ATAD2B: variants seen among roughly 807,000 people sequenced by gnomAD.
The protein encoded by ATAD2B is ATPase family AAA domain containing 2B, also known as ATPase family AAA domain-containing protein 2B.
A neutral mutation model predicts 167.6 loss-of-function variants in ATAD2B; 40 were observed. That is an observed-to-expected ratio of 0.24 (90% CI 0.19 to 0.31). The LOEUF (loss-of-function observed/expected upper bound fraction) is 0.31, where lower values mean the gene tolerates loss of function less well. ATAD2B is among the 10% of genes least tolerant of loss of function. ATAD2B has a pLI of 1.00. For missense variants in ATAD2B, 1,242 were observed against 1,757.2 expected (o/e 0.71, Z 5.24); for synonymous variants, 579 against 596.5 (o/e 0.97, Z 0.43).
At chr2:23,849,383 A>G (rs2149880406) in intron 13 of ATAD2B, among the ~76,000 whole-genome samples, 1 of 152,362 alleles carries the variant, frequency 6.6e-6, no homozygotes, top group East Asian at 1.9e-4. Flanking sequence ...CAACATCAAC[A>G]TAAAGATGCA....
chr2:23,738,412 A>G, the ATAD2B span, among the ~76,000 whole-genome samples: 1 of 152,262 alleles, frequency 6.6e-6, no homozygotes, highest in South Asian at 2.1e-4. Flanking sequence ...CTTAAAGAAA[A>G]GAATTTTCAA....
At chr2:23,883,279 C>CAAAAAAAAAAAAAAAAAAAAAAAAAAAAA (rs56994882) in intron 6 of ATAD2B, among the ~76,000 whole-genome samples, 1 of 89,028 alleles carries the variant, frequency 1.1e-5, no homozygotes, top group African/African-American at 4.1e-5. Flanking sequence ...AAAACTGTCT[C>CAAAAAAAAAAAAAAAAAAAAAAAAAAAAA]AAAAAAAAAA....
intron 1 of ATAD2B, among the ~76,000 whole-genome samples, chr2:23,905,251 C>T (rs1339125165): frequency 6.6e-6 from 1 of 152,126 alleles, no homozygotes; most frequent in Non-Finnish European, 1.5e-5. Flanking sequence ...GGCATGATAG[C>T]TCATATCTAT....
At chr2:23,694,520 C>G in the ATAD2B span, among the ~76,000 whole-genome samples, 151,275 of 152,294 alleles carry the variant, frequency 0.99, 75,139 homozygotes, top group East Asian at 1. Context: ...CAAACCCCTC[C>G]TCAGTTGCCT....
the ATAD2B span, among the ~76,000 whole-genome samples, chr2:23,699,651 C>A: frequency 6.6e-6 from 1 of 152,208 alleles, no homozygotes; most frequent in Non-Finnish European, 1.5e-5. Context: ...GTCCTGCACC[C>A]CACATCAGCA....
chr2:23,848,835 T>A (rs79058028), intron 13 of ATAD2B, among the ~76,000 whole-genome samples: 49 of 152,308 alleles, frequency 3.2e-4, no homozygotes, highest in African/African-American at 1.1e-3. Context: ...AGTGTCCATT[T>A]TGAAGGAAAT....
intron 13 of ATAD2B, among the ~76,000 whole-genome samples, chr2:23,836,012 C>T (rs1689890215): frequency 6.6e-6 from 1 of 151,524 alleles, no homozygotes; most frequent in South Asian, 2.1e-4. Flanking sequence ...TGGCTGGAAA[C>T]CTCTGTGGCT....
chr2:23,684,727 G>A, the ATAD2B span, among the ~76,000 whole-genome samples: 3 of 151,868 alleles, frequency 2.0e-5, no homozygotes, highest in Admixed American at 6.6e-5. The surrounding 1 kb of genome is among the most constrained non-coding windows in gnomAD (Gnocchi z 4.4). Flanking sequence ...CAGCCACTGC[G>A]CCCAGCACCC....
At chr2:23,816,362 G>T (rs1273445642) in intron 17 of ATAD2B, among the ~76,000 whole-genome samples, 1 of 152,022 alleles carries the variant, frequency 6.6e-6, no homozygotes, top group East Asian at 1.9e-4. Flanking sequence ...CAAGTCTATT[G>T]TTCATAAAAG....
At chr2:23,859,716 G>C (rs1273259121) in intron 12 of ATAD2B, among the ~76,000 whole-genome samples, 2 of 152,074 alleles carry the variant, frequency 1.3e-5, no homozygotes, top group East Asian at 3.9e-4. Context: ...GGGAGGTCGA[G>C]ACAGGCGGAT....
intron 23 of ATAD2B, among the ~76,000 whole-genome samples, chr2:23,763,749 CT>C (rs1356197369): frequency 1.3e-5 from 2 of 152,118 alleles, no homozygotes; most frequent in African/African-American, 2.4e-5. Flanking sequence ...ACCACCACGC[CT>C]AGCTAATATT....
the ATAD2B span, among the ~76,000 whole-genome samples, chr2:23,735,616 G>A: frequency 6.6e-6 from 1 of 152,238 alleles, no homozygotes; most frequent in South Asian, 2.1e-4. Flanking sequence ...CCCTGAAGCT[G>A]TGCTTCATCT....
chr2:23,685,733 C>A, the ATAD2B span, among the ~76,000 whole-genome samples: 1 of 152,184 alleles, frequency 6.6e-6, no homozygotes, highest in East Asian at 1.9e-4. Context: ...TGTCCAAGCA[C>A]AGGGGTTAGG....
chr2:23,894,782 T>C (rs1468772650), intron 2 of ATAD2B, among the ~76,000 whole-genome samples: 1 of 152,160 alleles, frequency 6.6e-6, no homozygotes, highest in Non-Finnish European at 1.5e-5. Flanking sequence ...CACAGATGTA[T>C]GGGTGTGGGA....
At chr2:23,871,873 T>G (rs546184444) in intron 8 of ATAD2B, among the ~76,000 whole-genome samples, 2 of 152,240 alleles carry the variant, frequency 1.3e-5, no homozygotes, top group Non-Finnish European at 2.9e-5. Flanking sequence ...GAATTGTTTT[T>G]GGGTTTGTTT....
chr2:23,861,507 A>T (rs139308692), intron 12 of ATAD2B, among the ~76,000 whole-genome samples: 1 of 151,164 alleles, frequency 6.6e-6, no homozygotes, highest in Non-Finnish European at 1.5e-5. Flanking sequence ...CAGGATTACC[A>T]GCAATTTTCT....
Position 23,752,072 on chromosome 2 carries a change from C to T in ATAD2B, c.4351G>A (p.Val1451Ile). The T allele has an allele frequency of 6.4e-7, 1 of 1,561,530 alleles. No individual in the cohort carries two copies. The highest frequency in any genetic ancestry group is 1.4e-5 in the African/African-American group (1 of 73,844). The change falls in exon 28 of 28, where the codon GTT (valine) becomes ATT (isoleucine). Residue 1451 changes from valine (V) to isoleucine (I), a missense_variant. Physicochemically the swap from Val to Ile is conservative, Grantham distance 29. Transcript: ENST00000238789. ...CATAGGAATGTCTCAAACATATGAA[C>T]TGTTCTTTCCATCTCCTATAAAAGG... ...SQLVEEMERT[V>I]HMFETFL
intron 24 of ATAD2B, among the ~76,000 whole-genome samples, chr2:23,761,912 T>C (rs865814705): frequency 1.4e-4 from 22 of 152,246 alleles, no homozygotes; most frequent in African/African-American, 5.3e-4. Flanking sequence ...CAGGGGCATA[T>C]AAAAATTCTA....
In ATAD2B at chr2:23,796,580, T is replaced by G. The variant is rs545521854; in HGVS notation, c.2640+1558A>C. 3.9e-5 allele frequency among the ~76,000 whole-genome samples: 6 copies of G among 152,306 alleles called. No homozygotes were observed. In the East Asian group the frequency reaches 1.2e-3, roughly 29 times the overall value. On this transcript the variant is annotated intron_variant, in intron 19 of 27. Transcript: ENST00000238789. ...TTTTCAGGGAATATTCCCTATATATTCCCAACTAGAACCCTCATGTATCCC... is the reference window on the plus strand; with the variant it reads ...TTTTCAGGGAATATTCCCTATATATGCCCAACTAGAACCCTCATGTATCCC...
Sources: gnomAD v4.1 joint callset for allele counts (sites outside exome capture counted in the v4.1 genomes callset) on GRCh38, gnomAD v4.1.1 for gene constraint, Gnocchi (gnomAD v3.1) non-coding constraint, MANE v1.5 for transcripts, NCBI Gene and HGNC (gene_info 2026-07-23, HGNC 2026-07-21) for gene names.